Variants in SH3RF3 observed in about 807,000 individuals in gnomAD.
The protein encoded by SH3RF3 is SH3 domain containing ring finger 3, also known as E3 ubiquitin-protein ligase SH3RF3.
A neutral mutation model predicts 66.3 loss-of-function variants in SH3RF3; 29 were observed. The ratio of observed to expected loss-of-function variants is 0.44; its 90% CI spans 0.33 to 0.60. The LOEUF is 0.60. Ranked by LOEUF, SH3RF3 falls within the 20% of genes least tolerant of loss-of-function variation. The pLI is 0.04. For synonymous variants in SH3RF3, 583 were observed against 532.0 expected (o/e 1.10, Z -1.32); for missense variants, 1,194 against 1,190.9 (o/e 1.00, Z -0.04).
At chr2:109,133,797 T>C (rs1258451570) in intron 1 of SH3RF3, among the ~76,000 whole-genome samples, 1 of 151,940 alleles carries the variant, frequency 6.6e-6, no homozygotes, top group Non-Finnish European at 1.5e-5. Context: ...ATATTTAGCA[T>C]TATGAGTACA....
intron 1 of SH3RF3, among the ~76,000 whole-genome samples, chr2:109,162,671 G>A (rs1677516400): frequency 6.6e-6 from 1 of 152,156 alleles, no homozygotes; most frequent in South Asian, 2.1e-4. Context: ...GTTGTGAATA[G>A]TGCCACAATA....
intron 1 of SH3RF3, among the ~76,000 whole-genome samples, chr2:109,139,341 C>T (rs952460522): frequency 6.6e-6 from 1 of 151,872 alleles, no homozygotes; most frequent in Non-Finnish European, 1.5e-5. Context: ...TCATGATGCC[C>T]ATGGGTTAAT....
chr2:109,252,744 A>T (rs1159135479), intron 1 of SH3RF3, among the ~76,000 whole-genome samples: 2 of 152,234 alleles, frequency 1.3e-5, no homozygotes, highest in Non-Finnish European at 2.9e-5. Flanking sequence ...TAATCAGCCT[A>T]CAGTTGGGCT....
At chr2:109,243,953 G>C (rs1679850199) in intron 1 of SH3RF3, among the ~76,000 whole-genome samples, 1 of 152,232 alleles carries the variant, frequency 6.6e-6, no homozygotes, top group Non-Finnish European at 1.5e-5. Context: ...GCAGCCATGG[G>C]CACTTGGTGG....
chr2:109,453,501 C>G (rs1677948032), intron 8 of SH3RF3, among the ~76,000 whole-genome samples: 1 of 152,140 alleles, frequency 6.6e-6, no homozygotes, highest in African/African-American at 2.4e-5. Flanking sequence ...CTCAGGGTAC[C>G]TAAGTCCAGG....
At position 109,398,579 on chromosome 2, in the gene SH3RF3, T is replaced by G. The variant is rs767781610; in HGVS notation, c.946-11T>G. The G allele has an allele frequency of 6.5e-7, 1 of 1,542,004 alleles. No homozygotes were observed. Among genetic ancestry groups the G allele is most frequent in the Non-Finnish European group, 8.7e-7 (1 of 1,143,734 alleles). ...TTTAATGCAGCCTCCCCTCTCCCCTTTCTCACTCAGCTCAATGACTCCGCC... is the reference window on the plus strand; with the variant it reads ...TTTAATGCAGCCTCCCCTCTCCCCTGTCTCACTCAGCTCAATGACTCCGCC... On this transcript the variant is annotated splice_polypyrimidine_tract_variant and intron_variant, in intron 3 of 9. Coordinates refer to ENST00000309415, the MANE Select transcript of SH3RF3 (RefSeq NM_001099289.3).
chr2:109,357,205 G>T (rs531696866), intron 2 of SH3RF3, among the ~76,000 whole-genome samples: 1 of 150,150 alleles, frequency 6.7e-6, no homozygotes, highest in Admixed American at 6.6e-5. Flanking sequence ...TTTTTGAGAC[G>T]GAGTCTTACT....
chr2:109,403,536 G>A (rs1225893346), intron 4 of SH3RF3, among the ~76,000 whole-genome samples: 1 of 152,224 alleles, frequency 6.6e-6, no homozygotes, highest in African/African-American at 2.4e-5. Flanking sequence ...TAACTTTCCA[G>A]TTTACTCCAT....
intron 1 of SH3RF3, among the ~76,000 whole-genome samples, chr2:109,226,054 C>A (rs543771999): frequency 5.9e-5 from 9 of 152,308 alleles, no homozygotes; most frequent in African/African-American, 2.2e-4. Flanking sequence ...TGACCCTGAA[C>A]AACTTATCTG....
chr2:109,482,595 G>C (rs1678863886), intron 8 of SH3RF3, among the ~76,000 whole-genome samples: 1 of 152,204 alleles, frequency 6.6e-6, no homozygotes, highest in African/African-American at 2.4e-5. Context: ...ACCCCTAAGA[G>C]GGGGAGAGCA....
intron 1 of SH3RF3, among the ~76,000 whole-genome samples, chr2:109,176,893 G>A (rs1574488548): frequency 1.3e-5 from 2 of 152,218 alleles, no homozygotes; most frequent in African/African-American, 2.4e-5. Flanking sequence ...CTAGCTGAAG[G>A]ATAGGGATGC....
intron 1 of SH3RF3, among the ~76,000 whole-genome samples, chr2:109,239,554 G>A (rs1044370523): frequency 7.2e-5 from 11 of 152,220 alleles, no homozygotes; most frequent in African/African-American, 2.4e-4. Context: ...TGAGGGACAC[G>A]GGGTTAGTGG....
intron 1 of SH3RF3, among the ~76,000 whole-genome samples, chr2:109,180,320 G>T (rs1678046507): frequency 6.6e-6 from 1 of 152,118 alleles, no homozygotes; most frequent in African/African-American, 2.4e-5. Flanking sequence ...TGGTATTGAT[G>T]ACTTTTTCTC....
chr2:109,453,116 T>C (rs1012645620), intron 8 of SH3RF3, among the ~76,000 whole-genome samples: 1 of 152,160 alleles, frequency 6.6e-6, no homozygotes, highest in South Asian at 2.1e-4. Flanking sequence ...CTGGGGATAA[T>C]ACAAGTGCAG....
intron 4 of SH3RF3, among the ~76,000 whole-genome samples, chr2:109,413,126 A>T (rs538990529): frequency 1.1e-4 from 16 of 152,212 alleles, no homozygotes; most frequent in Middle Eastern, 3.4e-3. Context: ...TTATATATAT[A>T]TTTTTTGAGA....
At chr2:109,265,107 G>A (rs1260836104) in intron 1 of SH3RF3, among the ~76,000 whole-genome samples, 1 of 152,132 alleles carries the variant, frequency 6.6e-6, no homozygotes, top group Non-Finnish European at 1.5e-5. Context: ...GCCCACTTGA[G>A]GCGTTGCGAA....
In SH3RF3 at chr2:109,453,621, T is replaced by C. The variant is rs142947546; in HGVS notation, c.2148+4132T>C. Among the ~76,000 whole-genome samples the C allele has an allele frequency of 2.5e-3, 377 of 152,290 alleles. 6 individuals are homozygous for C. In the South Asian group the frequency reaches 0.042, roughly 17 times the overall value. On this transcript the variant is annotated intron_variant, in intron 8 of 9. Transcript: ENST00000309415. ...TACTTGTGCCCCAATCCCTGACTCA[T>C]CTGTGTATTGCAAAGAGCATGAGGA...
At chr2:109,288,849 T>C (rs897518166) in intron 1 of SH3RF3, among the ~76,000 whole-genome samples, 10 of 152,164 alleles carry the variant, frequency 6.6e-5, no homozygotes, top group African/African-American at 2.4e-4. Context: ...TTTATGCCCA[T>C]GTGGTAGAAA....
At chr2:109,427,607 C>T (rs1677064288) in intron 5 of SH3RF3, among the ~76,000 whole-genome samples, 1 of 152,192 alleles carries the variant, frequency 6.6e-6, no homozygotes, top group Non-Finnish European at 1.5e-5. Flanking sequence ...TGCACACTAG[C>T]CCCACACACA....
Sources: allele counts gnomAD v4.1 joint callset (sites outside exome capture counted in the v4.1 genomes callset), GRCh38; gene constraint gnomAD v4.1.1; transcripts MANE v1.5; gene names NCBI Gene and HGNC (gene_info 2026-07-23, HGNC 2026-07-21).